The following GALNT8 variants were observed in gnomAD, a reference collection of about 807,000 sequenced individuals.
GALNT8 encodes the protein probable polypeptide N-acetylgalactosaminyltransferase 8.
Under a neutral mutation model 62.7 loss-of-function variants are expected in GALNT8, and 66 were observed. The observed-to-expected ratio is 1.05, with a 90% confidence interval of 0.86 to 1.29. GALNT8 has a LOEUF of 1.29. GALNT8 is among the 50% of genes most tolerant of loss of function. GALNT8 has a pLI of 0.00. For missense variants in GALNT8, 771 were observed against 791.8 expected (o/e 0.97, Z 0.32); for synonymous variants, 288 against 294.3 (o/e 0.98, Z 0.22).
Position 4,749,603 on chromosome 12 carries a change from G to A in GALNT8, c.1173+3345G>A, listed in dbSNP as rs1231892366. Among the ~76,000 whole-genome samples, 1 of 151,558 alleles carries A rather than the reference G, an allele frequency of 6.6e-6. No homozygotes were observed. The highest frequency in any genetic ancestry group is 1.5e-5 in the Non-Finnish European group (1 of 67,882). ...TGTGCCAATATTCATCAGAGATATTGGCCTGTAGTTTTCTTTTCTTTTTTT... is the reference window on the plus strand; with the variant it reads ...TGTGCCAATATTCATCAGAGATATTAGCCTGTAGTTTTCTTTTCTTTTTTT... On this transcript the variant is annotated intron_variant, in intron 6 of 10. Transcript: ENST00000252318. This position sits in a 1 kb window ranked among gnomAD's most constrained non-coding sequence, Gnocchi z 4.1.
rs576017644 is a variant in GALNT8 at position 4,772,479 on chromosome 12, G to C, written c.1796G>C (p.Cys599Ser). ...GAVINRDTKR[C>S]LEMKKDLLGS... ...GTCATAAACAGAGATACCAAGCGGT[G>C]TCTGGAGATGAAGAAGGATCTTTTG... is the stretch of plus-strand genomic sequence containing the variant. Residue 599 changes from cysteine to serine, a missense_variant, in exon 11 of 11, where the codon TGT becomes TCT. Transcript: ENST00000252318. 1.2e-6 allele frequency: 2 copies of C among 1,613,750 alleles called. No individual in the cohort carries two copies. The highest frequency in any genetic ancestry group is 4.5e-5 in the East Asian group (2 of 44,866).
At position 4,740,440 on chromosome 12, in the gene GALNT8, T is replaced by C. The variant is rs575710465; in HGVS notation, c.676+1111T>C. ...GTGTGTTAACTTTTTTTTTTTTTTT[T>C]GAGATGGAGTTTCAGTCTTATCATC... On this transcript the variant is annotated intron_variant, in intron 3 of 10. Coordinates refer to ENST00000252318, the MANE Select transcript of GALNT8 (RefSeq NM_017417.2). 3.0e-3 allele frequency among the ~76,000 whole-genome samples: 451 copies of C among 151,602 alleles called. 11 individuals carry two copies. The highest frequency in any genetic ancestry group is 0.025 in the Admixed American group (377 of 15,226).
rs1450997642 is a variant in GALNT8 at position 4,726,557 on chromosome 12, G to C, written c.237G>C (p.Arg79Ser). 6.2e-7 allele frequency: 1 copy of C among 1,612,896 alleles called. No individual in the cohort carries two copies. Among genetic ancestry groups the C allele is most frequent in the East Asian group, 2.2e-5 (1 of 44,864 alleles). ...AAGAAAGTATGAAATTAGCTCTGAGGCAACAAGAAAATGTGAACAGCACAC... is the reference window on the plus strand; with the variant it reads ...AAGAAAGTATGAAATTAGCTCTGAGCCAACAAGAAAATGTGAACAGCACAC... Reference protein sequence around the residue: ...DLKESMKLALRQQENVNSTLK... With the variant: ...DLKESMKLALSQQENVNSTLK... The change falls in exon 2 of 11, where the codon AGG (arginine) becomes AGC (serine). Residue 79 changes from arginine to serine, a missense_variant. Physicochemically the swap from Arg to Ser is moderately radical, Grantham distance 110 (BLOSUM62 -1). Transcript: ENST00000252318. This position sits in a 1 kb window ranked among gnomAD's most constrained non-coding sequence, Gnocchi z 4.1.
At chr12:4,759,485 G>A (rs979209263) in intron 6 of GALNT8, among the ~76,000 whole-genome samples, 3 of 150,020 alleles carry the variant, frequency 2.0e-5, no homozygotes, top group Non-Finnish European at 4.5e-5. Context: ...CTAGCTGCCA[G>A]GTGTGCAATG....
At chr12:4,765,973 G>A (rs1946398161) in intron 10 of GALNT8, among the ~76,000 whole-genome samples, 1 of 152,166 alleles carries the variant, frequency 6.6e-6, no homozygotes, top group African/African-American at 2.4e-5. Flanking sequence ...TAGAGACGGG[G>A]TTTCACCATG....
In GALNT8 at chr12:4,745,642, T is replaced by C; in HGVS notation, c.1058+16T>C. ...CCCCAGTGAAGTAAGTCTGAGGAGA[T>C]TCAGGGAACTTGAGTAGCATGTGGG... On this transcript the variant is annotated intron_variant, in intron 5 of 10. Coordinates refer to ENST00000252318, the MANE Select transcript of GALNT8 (RefSeq NM_017417.2). The C allele has an allele frequency of 6.3e-7, 1 of 1,588,890 alleles. No individual in the cohort carries two copies. The highest frequency in any genetic ancestry group is 8.6e-7 in the Non-Finnish European group (1 of 1,157,470).
chr12:4,744,230 C>A (rs144119343), intron 3 of GALNT8, among the ~76,000 whole-genome samples: 2 of 152,248 alleles, frequency 1.3e-5, no homozygotes, highest in Non-Finnish European at 2.9e-5. Flanking sequence ...AACTTCTCAA[C>A]GTGAAAAAGC....
intron 10 of GALNT8, among the ~76,000 whole-genome samples, chr12:4,771,877 G>T (rs1591577426): frequency 6.6e-6 from 1 of 152,172 alleles, no homozygotes; most frequent in Admixed American, 6.5e-5. Context: ...GTTCGTATGT[G>T]GAAGAGCAAG....
intron 9 of GALNT8, 23 bp from the exon 10 acceptor site, chr12:4,765,356 T>C (rs80181038): frequency 3.6e-6 from 3 of 835,562 alleles, no homozygotes; most frequent in South Asian, 2.4e-5. Flanking sequence ...CCTCTGCTTT[T>C]TTTTTTTTTT....
chr12:4,765,475 G>A lies in GALNT8; in HGVS notation c.1690G>A (p.Glu564Lys), dbSNP rs1455230339. The A allele has an allele frequency of 1.2e-6, 2 of 1,612,908 alleles. No individual in the cohort carries two copies. The highest frequency in any genetic ancestry group is 1.7e-6 in the Non-Finnish European group (2 of 1,179,912). The change falls in exon 10 of 11, where the codon GAG becomes AAG. Residue 564 changes from glutamate to lysine, a missense_variant. Physicochemically the swap from Glu to Lys is moderately conservative, Grantham distance 56. Transcript: ENST00000252318. ...CTGCCTGACAGACCCTGGCAAGGCG[G>A]AGAAGCCCACCTTAGAACCATGCTC... ...DRCLTDPGKA[E>K]KPTLEPCSKA...
chr12:4,739,119 G>A (rs757261642), intron 2 of GALNT8, 44 bp from the exon 3 acceptor site: 34 of 1,257,642 alleles, frequency 2.7e-5, no homozygotes, highest in Non-Finnish European at 3.4e-5. Context: ...CAGTGTTGAA[G>A]TAATTAAAAA....
chr12:4,770,147 C>G (rs1946416518), intron 10 of GALNT8, among the ~76,000 whole-genome samples: 1 of 151,740 alleles, frequency 6.6e-6, no homozygotes, highest in South Asian at 2.1e-4. Flanking sequence ...ACTAAAAATA[C>G]AAAAATTAGC....
rs10849133 is a variant in GALNT8 at position 4,720,834 on chromosome 12, T to G, written c.157T>G (p.Tyr53Asp). The G allele has an allele frequency of 0.37, 601,109 of 1,606,416 alleles. 115,231 individuals carry two copies. The highest frequency in any genetic ancestry group is 0.46 in the African/African-American group (34,594 of 74,752). The change falls in exon 1 of 11, where the codon TAC becomes GAC. Residue 53 changes from tyrosine (Y) to aspartate (D), a missense_variant. Physicochemically the swap from Tyr to Asp is radical, Grantham distance 160 (BLOSUM62 -3). Coordinates refer to ENST00000252318, the MANE Select transcript of GALNT8 (RefSeq NM_017417.2). ...RELPLHLNKRYGAVIKRLSHL... is the reference protein window; with the variant it reads ...RELPLHLNKRDGAVIKRLSHL... ...GCTTCCTTTACATCTGAATAAACGC[T>G]ACGGGGCAGTGATAAAGAGACTCTC...
At chr12:4,762,217 C>CT (rs972872293) in intron 7 of GALNT8, among the ~76,000 whole-genome samples, 8 of 152,102 alleles carry the variant, frequency 5.3e-5, no homozygotes, top group African/African-American at 1.9e-4. Context: ...ACATCCCTAG[C>CT]TTTTTTATTT....
At chr12:4,746,628 T>A (rs10744661) in intron 6 of GALNT8, among the ~76,000 whole-genome samples, 1 of 152,190 alleles carries the variant, frequency 6.6e-6, no homozygotes, top group African/African-American at 2.4e-5. Flanking sequence ...GCAGCGTGAC[T>A]AGGGAATGCA....
At chr12:4,751,043 A>G (rs964693113) in intron 6 of GALNT8, among the ~76,000 whole-genome samples, 4 of 152,192 alleles carry the variant, frequency 2.6e-5, no homozygotes, top group Admixed American at 6.5e-5. Flanking sequence ...TTCCCTATTC[A>G]ATAAATGGTG....
At chr12:4,734,544 T>A (rs1361975538) in intron 2 of GALNT8, among the ~76,000 whole-genome samples, 7 of 152,118 alleles carry the variant, frequency 4.6e-5, no homozygotes, top group Admixed American at 1.3e-4. Flanking sequence ...GAAAGTATCT[T>A]CCTTTCGCTT....
In GALNT8 at chr12:4,748,192, T is replaced by C. The variant is rs146492243; in HGVS notation, c.1173+1934T>C. On this transcript the variant is annotated intron_variant, in intron 6 of 10. Transcript: ENST00000252318. ...GGCTGTCTCTTCACCTTGTTGATTG[T>C]ATCTTTTGCGGTGCAGAAGCTTTTT... Among the ~76,000 whole-genome samples the C allele has an allele frequency of 3.0e-3, 451 of 152,332 alleles. 3 individuals are homozygous for C. Among genetic ancestry groups the C allele is most frequent in the African/African-American group, 0.01 (424 of 41,564 alleles).
intron 7 of GALNT8, among the ~76,000 whole-genome samples, chr12:4,761,399 C>T (rs752298002): frequency 1.2e-4 from 18 of 152,106 alleles, no homozygotes; most frequent in Non-Finnish European, 2.2e-4. Flanking sequence ...CTAAATTTTA[C>T]AGATGAGGAA....
Sources: allele counts gnomAD v4.1 joint callset (sites outside exome capture counted in the v4.1 genomes callset), GRCh38; gene constraint gnomAD v4.1.1; non-coding constraint Gnocchi (gnomAD v3.1); transcripts MANE v1.5; gene names NCBI Gene and HGNC (gene_info 2026-07-23, HGNC 2026-07-21).